The following TBXAS1 variants were observed in gnomAD, a reference collection of about 807,000 sequenced individuals.
The protein encoded by TBXAS1 is thromboxane A synthase 1.
In TBXAS1, 48 loss-of-function variants were observed where a neutral mutation model predicts 60.7. The ratio of observed to expected loss-of-function variants is 0.79; its 90% CI spans 0.63 to 1.01. TBXAS1 has a LOEUF of 1.01. TBXAS1 is among the 50% of genes least tolerant of loss of function. The probability of loss-of-function intolerance (pLI) is 0.00; values close to 1 mark genes in which losing one functional copy is unlikely to be tolerated. For synonymous variants in TBXAS1, 287 were observed against 269.7 expected (o/e 1.06, Z -0.63); for missense variants, 685 against 686.3 (o/e 1.00, Z 0.02).
chr7:140,018,754 G>A (rs1311989562), intron 12 of TBXAS1, among the ~76,000 whole-genome samples: 2 of 152,226 alleles, frequency 1.3e-5, no homozygotes, highest in Non-Finnish European at 2.9e-5. Flanking sequence ...GCTTCGTGAT[G>A]GCAGGGACCC....
At chr7:139,997,072 T>C (rs1813350500) in intron 9 of TBXAS1, among the ~76,000 whole-genome samples, 1 of 152,224 alleles carries the variant, frequency 6.6e-6, no homozygotes, top group Non-Finnish European at 1.5e-5. Flanking sequence ...AGTGGCTCCC[T>C]ATTACCATAA....
intron 4 of TBXAS1, among the ~76,000 whole-genome samples, chr7:139,793,402 G>A (rs1333772497): frequency 6.6e-6 from 1 of 151,978 alleles, no homozygotes; most frequent in African/African-American, 2.4e-5. Flanking sequence ...CTGGATGACA[G>A]AGCGAGAATC....
At chr7:139,829,527 C>A in intron 1 of TBXAS1, 48 bp downstream of exon 1, 1 of 1,568,236 alleles carries the variant, frequency 6.4e-7, no homozygotes, top group Non-Finnish European at 8.7e-7. Flanking sequence ...GCCGTCTCAC[C>A]CTGGAGCCTT....
chr7:139,963,881 C>T (rs987361468), intron 9 of TBXAS1, among the ~76,000 whole-genome samples: 2 of 152,154 alleles, frequency 1.3e-5, no homozygotes, highest in Non-Finnish European at 2.9e-5. Flanking sequence ...GTTTCTCTCT[C>T]GCCAGTTCTT....
intron 3 of TBXAS1, among the ~76,000 whole-genome samples, chr7:139,903,869 T>C (rs979733491): frequency 1.2e-4 from 19 of 152,182 alleles, no homozygotes; most frequent in Middle Eastern, 3.4e-3. Context: ...GTCAGATATA[T>C]AGATTGTGAA....
intron 7 of TBXAS1, among the ~76,000 whole-genome samples, chr7:139,956,487 C>A (rs571981365): frequency 3.6e-3 from 543 of 152,328 alleles, no homozygotes; most frequent in Non-Finnish European, 6.1e-3. Flanking sequence ...TGCCCTCTGG[C>A]CAATTCTAGT....
chr7:139,827,522 T>C (rs1184718393), upstream of TBXAS1, among the ~76,000 whole-genome samples: 1 of 148,638 alleles, frequency 6.7e-6, no homozygotes, highest in Admixed American at 6.6e-5. Flanking sequence ...CCTGTGTACT[T>C]CTTTGTTTGT....
chr7:139,943,218 C>T (rs1334647545), intron 5 of TBXAS1, among the ~76,000 whole-genome samples: 7 of 152,092 alleles, frequency 4.6e-5, no homozygotes, highest in African/African-American at 7.2e-5. Flanking sequence ...TCATTATAAC[C>T]AAGTGTGGCT....
intron 1 of TBXAS1, among the ~76,000 whole-genome samples, chr7:139,833,391 G>A (rs780286327): frequency 6.6e-6 from 1 of 151,360 alleles, no homozygotes; most frequent in Non-Finnish European, 1.5e-5. Context: ...AGTTAAAAGA[G>A]ACAAAGAGGG....
At chr7:139,955,435 T>C in intron 6 of TBXAS1, 24 bp from the exon 7 acceptor site, 4 of 1,613,988 alleles carry the variant, frequency 2.5e-6, no homozygotes, top group Non-Finnish European at 3.4e-6. Flanking sequence ...TCCTTTCAGA[T>C]CTCTGTGCTC....
intron 10 of TBXAS1, among the ~76,000 whole-genome samples, chr7:140,014,039 G>A (rs1209137675): frequency 6.6e-6 from 1 of 152,224 alleles, no homozygotes; most frequent in Non-Finnish European, 1.5e-5. Context: ...TCTTGCTCCA[G>A]CTCCAGCTCC....
In TBXAS1 at chr7:139,975,296, G is replaced by A. The variant is rs1400761981; in HGVS notation, c.1134+13063G>A. On this transcript the variant is annotated intron_variant, in intron 9 of 12. Transcript: ENST00000448866. The surrounding 1 kb of genome is among the most constrained non-coding windows in gnomAD (Gnocchi z 4.4). ...ATAGCCTAGCAAAGTTGACACAAAA[G>A]ACTAACCAAGCTAAATAACTTGAGA... Among the ~76,000 whole-genome samples the A allele has an allele frequency of 6.6e-6, 1 of 152,152 alleles. No homozygotes were observed. The highest frequency in any genetic ancestry group is 1.5e-5 in the Non-Finnish European group (1 of 68,028).
intron 2 of TBXAS1, among the ~76,000 whole-genome samples, chr7:139,782,014 G>T (rs1169012608): frequency 6.6e-6 from 1 of 151,666 alleles, no homozygotes; most frequent in Non-Finnish European, 1.5e-5. Flanking sequence ...GGGCTAAGGA[G>T]GTACCAGAAA....
At position 140,017,693 on chromosome 7, in the gene TBXAS1, C is replaced by T; in HGVS notation, c.1387C>T (p.Gln463Ter). 6.2e-7 allele frequency: 1 copy of T among 1,613,450 alleles called. No individual in the cohort carries two copies. The highest frequency in any genetic ancestry group is 1.3e-5 in the African/African-American group (1 of 75,038). The change falls in exon 12 of 13, where the codon CAG (glutamine) becomes TAG (stop). Residue 463 changes from glutamine to a stop codon, truncating the protein, a stop_gained. Transcript: ENST00000448866. LOFTEE classifies it high-confidence loss of function. The stretch of plus-strand genomic sequence containing the variant: ...CAGGTTCACGGCTGAGGCCCGGCAG[C>T]AGCACCGGCCCTTCACGTACCTGCC... ...PERFTAEARQ[Q>*]HRPFTYLPFG...
Position 139,955,418 on chromosome 7 carries a change from G to A in TBXAS1, c.540-41G>A, listed in dbSNP as rs1177603278. On this transcript the variant is annotated intron_variant, in intron 6 of 12. Coordinates refer to ENST00000448866, the MANE Select transcript of TBXAS1 (RefSeq NM_001061.7). ...GAGGGGGCCATTGTGGGTAGCCCCT[G>A]CCAGAGTCCTTTCAGATCTCTGTGC... 3.1e-6 allele frequency: 5 copies of A among 1,613,458 alleles called. No homozygotes were observed. The South Asian group carries it at 5.5e-5, about 18-fold the overall frequency.
chr7:139,795,567 G>A (rs1797542515), intron 4 of TBXAS1, among the ~76,000 whole-genome samples: 1 of 138,858 alleles, frequency 7.2e-6, no homozygotes, highest in South Asian at 2.5e-4. Flanking sequence ...TGCTTTTGGT[G>A]TTTTAGACAT....
At chr7:139,823,336 G>T (rs1368338924) in intron 4 of TBXAS1, among the ~76,000 whole-genome samples, 1 of 151,872 alleles carries the variant, frequency 6.6e-6, no homozygotes, top group African/African-American at 2.4e-5. Context: ...CTCATCTACT[G>T]CCAGGTCCCC....
At chr7:139,917,445 G>C (rs1806089988) in intron 4 of TBXAS1, among the ~76,000 whole-genome samples, 1 of 152,190 alleles carries the variant, frequency 6.6e-6, no homozygotes, top group Non-Finnish European at 1.5e-5. Flanking sequence ...CCTGTTGCAG[G>C]ATGGGCTGCC....
At chr7:139,783,638 T>G (rs975121301) in intron 3 of TBXAS1, among the ~76,000 whole-genome samples, 8 of 152,216 alleles carry the variant, frequency 5.3e-5, no homozygotes, top group Admixed American at 4.6e-4. Flanking sequence ...AAAGGTAGAC[T>G]GAGGAGAGCT....
Sources: allele counts gnomAD v4.1 joint callset (sites outside exome capture counted in the v4.1 genomes callset), GRCh38; gene constraint gnomAD v4.1.1; non-coding constraint Gnocchi (gnomAD v3.1); transcripts MANE v1.5; gene names NCBI Gene and HGNC (gene_info 2026-07-23, HGNC 2026-07-21).